Variants in DLG2 observed in about 807,000 individuals in gnomAD.
The protein encoded by DLG2 is disks large homolog 2.
Under a neutral mutation model 132.5 loss-of-function variants are expected in DLG2, and 45 were observed. That is an observed-to-expected ratio of 0.34 (90% CI 0.27 to 0.44). The LOEUF (loss-of-function observed/expected upper bound fraction) is 0.44, where lower values mean the gene tolerates loss of function less well. Among genes scored for constraint, DLG2 ranks in the 20% least tolerant of loss-of-function variants. The pLI is 1.00. For missense variants in DLG2, 1,045 were observed against 1,196.9 expected (o/e 0.87, Z 1.87); for synonymous variants, 424 against 419.6 (o/e 1.01, Z -0.13).
chr11:84,333,342 C>A (rs967594998), intron 7 of DLG2, among the ~76,000 whole-genome samples: 1 of 152,196 alleles, frequency 6.6e-6, no homozygotes, highest in Non-Finnish European at 1.5e-5. Flanking sequence ...TAGGTTCTGA[C>A]TAAAATATGT....
chr11:85,537,074 G>A (rs905194604), intron 3 of DLG2, among the ~76,000 whole-genome samples: 12 of 152,150 alleles, frequency 7.9e-5, no homozygotes, highest in African/African-American at 2.4e-4. Context: ...TAGCTAATTG[G>A]GTGGGGACTT....
intron 7 of DLG2, among the ~76,000 whole-genome samples, chr11:84,527,585 G>A (rs182149000): frequency 3.3e-5 from 5 of 152,188 alleles, no homozygotes; most frequent in Non-Finnish European, 2.9e-5. Flanking sequence ...GTGAAAATTC[G>A]AAGACACACA....
At chr11:84,373,902 A>G (rs2098719013) in intron 7 of DLG2, among the ~76,000 whole-genome samples, 1 of 152,188 alleles carries the variant, frequency 6.6e-6, no homozygotes, top group East Asian at 1.9e-4. Flanking sequence ...ATAGATCTAA[A>G]ATATAAACAT....
intron 4 of DLG2, among the ~76,000 whole-genome samples, chr11:85,200,076 G>A (rs1466932992): frequency 6.6e-6 from 1 of 151,934 alleles, no homozygotes; most frequent in Non-Finnish European, 1.5e-5. Flanking sequence ...TCTCTCTGCA[G>A]AAGTCTTGTG....
intron 19 of DLG2, among the ~76,000 whole-genome samples, chr11:83,611,718 G>A (rs77529407): frequency 0.019 from 2,851 of 152,256 alleles, 99 homozygotes; most frequent in African/African-American, 0.066. Context: ...CCCCTTAAAT[G>A]GGACTCACTT....
chr11:84,940,275 T>C (rs993066766), intron 6 of DLG2, among the ~76,000 whole-genome samples: 1 of 152,164 alleles, frequency 6.6e-6, no homozygotes, highest in Non-Finnish European at 1.5e-5. Flanking sequence ...CTCAGCCTCC[T>C]GAGTAGCTGG....
intron 4 of DLG2, among the ~76,000 whole-genome samples, chr11:85,272,604 G>A (rs960484513): frequency 6.6e-6 from 1 of 152,090 alleles, no homozygotes; most frequent in Admixed American, 6.5e-5. Context: ...CGAAATAAAA[G>A]AGGACACAAA....
In DLG2 at chr11:85,598,770, G is replaced by A; in HGVS notation, c.-74C>T. On this transcript the variant is annotated 5_prime_UTR_variant, in exon 3 of 28. Coordinates refer to ENST00000376104, the MANE Select transcript of DLG2 (RefSeq NM_001142699.3). Reference sequence around the variant, plus strand: ...TTTTTTGCAGTATTCTTCCAGTAATGATAAAGCTCGGTCAGTATCTGAAAA... The same window carrying A: ...TTTTTTGCAGTATTCTTCCAGTAATAATAAAGCTCGGTCAGTATCTGAAAA... The A allele has an allele frequency of 8.2e-7, 1 of 1,223,822 alleles. No individual in the cohort carries two copies. The highest frequency in any genetic ancestry group is 1.1e-6 in the Non-Finnish European group (1 of 876,798). 75.8% of individuals were successfully genotyped at this position (1,223,822 alleles called of 1,614,324 possible).
intron 3 of DLG2, among the ~76,000 whole-genome samples, chr11:85,322,535 T>C (rs1256304955): frequency 6.6e-6 from 1 of 152,220 alleles, no homozygotes; most frequent in Non-Finnish European, 1.5e-5. Flanking sequence ...CTATGTAGAC[T>C]GTTCTCTCAT....
intron 6 of DLG2, among the ~76,000 whole-genome samples, chr11:84,947,309 T>G (rs775015693): frequency 1.3e-5 from 2 of 152,178 alleles, no homozygotes; most frequent in Non-Finnish European, 1.5e-5. Flanking sequence ...TTGGCCATCT[T>G]GCACCACTGC....
intron 19 of DLG2, among the ~76,000 whole-genome samples, chr11:83,579,746 G>A (rs557670254): frequency 1.1e-4 from 17 of 152,124 alleles, no homozygotes; most frequent in East Asian, 5.8e-4. Context: ...TGAGGCAGGC[G>A]GATCATGAGG....
chr11:85,000,414 C>T (rs1443305566), intron 6 of DLG2, among the ~76,000 whole-genome samples: 1 of 152,054 alleles, frequency 6.6e-6, no homozygotes, highest in Non-Finnish European at 1.5e-5. Flanking sequence ...GTTTTAAGGC[C>T]TTATTTTTTT....
At chr11:85,366,259 C>T (rs1397651449) in intron 3 of DLG2, among the ~76,000 whole-genome samples, 1 of 152,134 alleles carries the variant, frequency 6.6e-6, no homozygotes, top group Non-Finnish European at 1.5e-5. Context: ...CTTATCTTTA[C>T]AAACACCAGT....
chr11:84,500,022 T>G (rs2099198621), intron 7 of DLG2, among the ~76,000 whole-genome samples: 1 of 151,904 alleles, frequency 6.6e-6, no homozygotes, highest in Non-Finnish European at 1.5e-5. Context: ...TTTCTGGAGA[T>G]ACGGAGATGA....
intron 11 of DLG2, among the ~76,000 whole-genome samples, chr11:84,023,057 A>G (rs2095439410): frequency 6.6e-6 from 1 of 152,190 alleles, no homozygotes; most frequent in Non-Finnish European, 1.5e-5. Flanking sequence ...TTTTAAAAAT[A>G]CTATCAATCC....
At chr11:84,755,406 A>T (rs1431817075) in intron 6 of DLG2, among the ~76,000 whole-genome samples, 1 of 140,634 alleles carries the variant, frequency 7.1e-6, no homozygotes, top group East Asian at 2.0e-4. Context: ...ATAGTCAAGG[A>T]AATTTTCAGC....
chr11:84,855,749 GT>G (rs973852807), intron 6 of DLG2, among the ~76,000 whole-genome samples: 23 of 152,028 alleles, frequency 1.5e-4, no homozygotes, highest in African/African-American at 5.3e-4. Flanking sequence ...CTGAGTGACT[GT>G]TCTGAATAAA....
intron 17 of DLG2, among the ~76,000 whole-genome samples, chr11:83,828,460 AG>A (rs2053523119): frequency 6.6e-6 from 1 of 152,212 alleles, no homozygotes; most frequent in African/African-American, 2.4e-5. Context: ...TCCTTATGTA[AG>A]GGTTTGGTGG....
chr11:85,408,323 C>T (rs1453634297), intron 3 of DLG2, among the ~76,000 whole-genome samples: 1 of 150,778 alleles, frequency 6.6e-6, no homozygotes, highest in Non-Finnish European at 1.5e-5. Context: ...TGACATATAA[C>T]AGAACTGACA....
Sources: allele counts gnomAD v4.1 joint callset (sites outside exome capture counted in the v4.1 genomes callset), GRCh38; gene constraint gnomAD v4.1.1; transcripts MANE v1.5; gene names NCBI Gene and HGNC (gene_info 2026-07-23, HGNC 2026-07-21).